ARMH4: variants seen among roughly 807,000 people sequenced by gnomAD.
ARMH4 encodes armadillo like helical domain containing 4.
ARMH4 carries 49 observed loss-of-function variants against 61.9 expected under a neutral mutation model. The observed-to-expected ratio is 0.79, with a 90% CI of 0.63 to 1.00. The LOEUF is 1.00. ARMH4 is among the 50% of genes least tolerant of loss of function. ARMH4 has a pLI of 0.00. For missense variants in ARMH4, 934 were observed against 930.0 expected, an observed-to-expected ratio of 1.00 and a Z score of -0.06; for synonymous variants, 368 against 341.5, an observed-to-expected ratio of 1.08 and a Z score of -0.85.
At position 58,049,241 on chromosome 14, in the gene ARMH4, A is replaced by G. The variant is rs566205783; in HGVS notation, c.2090-37091T>C. 2.7e-5 allele frequency among the ~76,000 whole-genome samples: 4 copies of G among 150,644 alleles called. No homozygotes were observed. In the East Asian group the frequency reaches 5.8e-4, roughly 22 times the overall value. ...GCAACAGAGCAAGACTCCGTCCCAA[A>G]AAAAAAAAAAAAAGAAAAATCAAAG... On this transcript the variant is annotated intron_variant, in intron 5 of 7. Transcript: ENST00000267485.
At chr14:58,111,587 C>A (rs1439692967) in intron 4 of ARMH4, among the ~76,000 whole-genome samples, 1 of 152,206 alleles carries the variant, frequency 6.6e-6, no homozygotes, top group Non-Finnish European at 1.5e-5. Flanking sequence ...GGTAAGGCCT[C>A]TCTTCCTGGT....
chr14:58,127,261 C>T (rs1167113205), intron 4 of ARMH4, among the ~76,000 whole-genome samples: 2 of 152,138 alleles, frequency 1.3e-5, no homozygotes, highest in African/African-American at 4.8e-5. Flanking sequence ...CCATAATCCC[C>T]ATGTGCCATG....
chr14:58,145,869 G>A (rs1221537394), intron 1 of ARMH4, among the ~76,000 whole-genome samples: 2 of 152,162 alleles, frequency 1.3e-5, no homozygotes, highest in Non-Finnish European at 2.9e-5. Flanking sequence ...CCTGTAAAAA[G>A]AATAACAGAA....
At chr14:58,075,611 G>C (rs370592542) in intron 5 of ARMH4, among the ~76,000 whole-genome samples, 1 of 152,084 alleles carries the variant, frequency 6.6e-6, no homozygotes, top group South Asian at 2.1e-4. Flanking sequence ...TGGGGGGTGG[G>C]GACTAGGGGA....
At chr14:58,129,989 A>G (rs974106395) in intron 4 of ARMH4, among the ~76,000 whole-genome samples, 68 of 152,228 alleles carry the variant, frequency 4.5e-4, no homozygotes, top group African/African-American at 1.5e-3. Flanking sequence ...AAATTCTAAC[A>G]TATTTCAATA....
Position 58,004,642 on chromosome 14 carries a change from G to T in ARMH4, c.*94C>A. The T allele has an allele frequency of 9.3e-7, 1 of 1,069,774 alleles. No homozygotes were observed. Among genetic ancestry groups the T allele is most frequent in the Non-Finnish European group, 1.4e-6 (1 of 711,728 alleles). 66.3% of individuals were successfully genotyped at this position (1,069,774 alleles called of 1,614,324 possible). On this transcript the variant is annotated 3_prime_UTR_variant, in exon 8 of 8. Coordinates refer to ENST00000267485, the MANE Select transcript of ARMH4 (RefSeq NM_001001872.4). Reference sequence around the variant, plus strand: ...CACTAGGACTAACGGCCTGATAGCAGCAATGTGGCAGGTTGTTCTTTTTTT... The same window carrying T: ...CACTAGGACTAACGGCCTGATAGCATCAATGTGGCAGGTTGTTCTTTTTTT...
At chr14:58,042,523 C>G (rs1165604947) in intron 5 of ARMH4, among the ~76,000 whole-genome samples, 2 of 152,016 alleles carry the variant, frequency 1.3e-5, no homozygotes, top group Admixed American at 1.3e-4. Context: ...GACACCCTAA[C>G]ATCACAATTA....
chr14:58,089,125 C>T (rs1885476367), intron 5 of ARMH4, among the ~76,000 whole-genome samples: 1 of 152,176 alleles, frequency 6.6e-6, no homozygotes, highest in South Asian at 2.1e-4. Flanking sequence ...TTACATTGGG[C>T]TGAGGTTTCT....
chr14:58,086,014 A>C (rs1885366647), intron 5 of ARMH4, among the ~76,000 whole-genome samples: 1 of 152,222 alleles, frequency 6.6e-6, no homozygotes, highest in South Asian at 2.1e-4. Flanking sequence ...AGTGGCAGAG[A>C]GAATCAGGTT....
chr14:58,053,784 G>C (rs182438615), intron 5 of ARMH4, among the ~76,000 whole-genome samples: 3 of 152,060 alleles, frequency 2.0e-5, no homozygotes, highest in Non-Finnish European at 4.4e-5. Context: ...TCCTCGCCTC[G>C]CCTCCATAAC....
intron 5 of ARMH4, among the ~76,000 whole-genome samples, chr14:58,064,836 A>C (rs1249000950): frequency 6.6e-6 from 1 of 152,102 alleles, no homozygotes; most frequent in East Asian, 1.9e-4. Flanking sequence ...AGTACAATTC[A>C]CTCTTGAATG....
At chr14:58,116,040 A>G (rs1457563114) in intron 4 of ARMH4, 1 of 152,644 alleles carries the variant, frequency 6.6e-6, no homozygotes, top group African/African-American at 2.4e-5. Flanking sequence ...AAACCTGTAC[A>G]TGTACCCCCA....
intron 5 of ARMH4, among the ~76,000 whole-genome samples, chr14:58,092,787 C>T (rs917647171): frequency 6.6e-6 from 1 of 151,684 alleles, no homozygotes; most frequent in Non-Finnish European, 1.5e-5. Flanking sequence ...CCAGGATAAC[C>T]TACCCATTCC....
At chr14:58,045,355 C>T (rs74721985) in intron 5 of ARMH4, among the ~76,000 whole-genome samples, 1 of 152,056 alleles carries the variant, frequency 6.6e-6, no homozygotes, top group African/African-American at 2.4e-5. Context: ...AGCCAACTAT[C>T]GCAAGGACAA....
chr14:58,133,048 G>A (rs766991382), intron 3 of ARMH4, 42 bp downstream of exon 3: 1 of 1,607,276 alleles, frequency 6.2e-7, no homozygotes, highest in South Asian at 1.1e-5. Context: ...TAACAGAAGA[G>A]ATCCACCCCC....
At position 58,152,140 on chromosome 14, in the gene ARMH4, C is replaced by T; in HGVS notation, c.-122G>A. The T allele has an allele frequency of 1.2e-5, 2 of 162,214 alleles. No individual in the cohort carries two copies. Among genetic ancestry groups the T allele is most frequent in the Non-Finnish European group, 2.6e-5 (2 of 75,996 alleles). 10.0% of individuals were successfully genotyped at this position (162,214 alleles called of 1,614,324 possible). ...AGCGGCGGCGCGGGCGCTCGGCATCCCAGCGGCGGGCCCTGCGGCGGCGGC... is the reference window on the plus strand; with the variant it reads ...AGCGGCGGCGCGGGCGCTCGGCATCTCAGCGGCGGGCCCTGCGGCGGCGGC... On this transcript the variant is annotated 5_prime_UTR_variant, in exon 1 of 8. Transcript: ENST00000267485.
intron 5 of ARMH4, among the ~76,000 whole-genome samples, chr14:58,022,009 A>C (rs1353415193): frequency 1.3e-5 from 2 of 152,168 alleles, no homozygotes; most frequent in African/African-American, 4.8e-5. Flanking sequence ...TAGTGGAATA[A>C]AGCAACACAC....
At chr14:58,151,878 C>T (rs1887937677) in intron 1 of ARMH4, among the ~76,000 whole-genome samples, 197 bp downstream of exon 1, 1 of 152,292 alleles carries the variant, frequency 6.6e-6, no homozygotes, top group African/African-American at 2.4e-5. Flanking sequence ...GAGCTGCCCC[C>T]GCGCACCCCA....
At chr14:58,074,628 A>T (rs1189047742) in intron 5 of ARMH4, among the ~76,000 whole-genome samples, 4 of 152,116 alleles carry the variant, frequency 2.6e-5, no homozygotes, top group Non-Finnish European at 5.9e-5. Context: ...CACAGAATGC[A>T]GAGTTGGGAA....
Sources: allele counts gnomAD v4.1 joint callset (sites outside exome capture counted in the v4.1 genomes callset), GRCh38; gene constraint gnomAD v4.1.1; transcripts MANE v1.5; gene names NCBI Gene and HGNC (gene_info 2026-07-23, HGNC 2026-07-21).